The following TAOK1 variants were observed in gnomAD, a reference collection of about 807,000 sequenced individuals.
The protein encoded by TAOK1 is TAO kinase 1.
Under a neutral mutation model 138.3 loss-of-function variants are expected in TAOK1, and 21 were observed. That is an observed-to-expected ratio of 0.15 (90% CI 0.11 to 0.22). TAOK1 has a LOEUF of 0.22. Ranked by LOEUF, TAOK1 falls within the 10% of genes least tolerant of loss-of-function variation. The pLI is 1.00. For missense variants in TAOK1, 651 were observed against 1,227.7 expected (o/e 0.53, Z 7.02); for synonymous variants, 361 against 398.4 (o/e 0.91, Z 1.12).
In TAOK1 at chr17:29,506,513, C is replaced by G. The variant is rs75265209; in HGVS notation, c.1339-1383C>G. 3.2e-4 allele frequency among the ~76,000 whole-genome samples: 49 copies of G among 152,130 alleles called. No homozygotes were observed. The East Asian group carries it at 4.3e-3, about 13-fold the overall frequency. On this transcript the variant is annotated intron_variant, in intron 13 of 19. Transcript: ENST00000261716. Reference sequence around the variant, plus strand: ...TTGTTGATCAAAATGTACAAAGTTTCAGAAAGATAGGAGGAATAGGTTTGG... The same window carrying G: ...TTGTTGATCAAAATGTACAAAGTTTGAGAAAGATAGGAGGAATAGGTTTGG...
At chr17:29,423,004 G>A (rs1305510648) in intron 1 of TAOK1, among the ~76,000 whole-genome samples, 2 of 152,172 alleles carry the variant, frequency 1.3e-5, no homozygotes, top group Non-Finnish European at 2.9e-5. Context: ...TAGCCTGGGT[G>A]ACAGAGCAAG....
rs143989572 is a variant in TAOK1 at position 29,495,582 on chromosome 17, G to C, written c.854G>C (p.Arg285Pro). The C allele has an allele frequency of 6.3e-7, 1 of 1,598,946 alleles. No individual in the cohort carries two copies. Among genetic ancestry groups the C allele is most frequent in the Non-Finnish European group, 8.5e-7 (1 of 1,171,008 alleles). Residue 285 changes from arginine (R) to proline (P), a missense_variant, in exon 11 of 20, where the codon CGC becomes CCC. Arg to Pro is a moderately radical substitution (Grantham distance 103). Transcript: ENST00000261716. ...TAGCACATATTTGTTCTTCGGGAGC[G>C]CCCTGAAACCGTGTTAATAGATCTC... is the stretch of plus-strand genomic sequence containing the variant. The part of the protein sequence containing the change: ...LLKHIFVLRE[R>P]PETVLIDLIQ...
At chr17:29,464,585 A>T (rs1345435071) in intron 2 of TAOK1, among the ~76,000 whole-genome samples, 1 of 152,182 alleles carries the variant, frequency 6.6e-6, no homozygotes, top group Non-Finnish European at 1.5e-5. Context: ...TTCTCAATAA[A>T]GCTGTTATAT....
intron 6 of TAOK1, 93 bp downstream of exon 6, chr17:29,478,440 A>G: frequency 1.2e-6 from 1 of 836,154 alleles, no homozygotes; most frequent in Admixed American, 2.9e-5. Flanking sequence ...TTATTGGTTA[A>G]AGCCAAATAA....
At chr17:29,466,140 C>G (rs2030662310) in intron 2 of TAOK1, among the ~76,000 whole-genome samples, 1 of 151,940 alleles carries the variant, frequency 6.6e-6, no homozygotes, top group African/African-American at 2.4e-5. Flanking sequence ...GTTTCAAAAT[C>G]TTTTGCATTC....
chr17:29,495,254 T>G (rs961487389), intron 10 of TAOK1, among the ~76,000 whole-genome samples: 7 of 152,212 alleles, frequency 4.6e-5, no homozygotes, highest in Non-Finnish European at 1.0e-4. Flanking sequence ...GTTCTTAGAA[T>G]ATGTAAACCT....
chr17:29,520,142 C>T (rs2150766315), intron 16 of TAOK1, among the ~76,000 whole-genome samples: 1 of 150,736 alleles, frequency 6.6e-6, no homozygotes, highest in Middle Eastern at 3.4e-3. Context: ...AATCACACCA[C>T]CGCACTCCAG....
At chr17:29,413,278 G>T (rs1348679841) in intron 1 of TAOK1, among the ~76,000 whole-genome samples, 1 of 152,096 alleles carries the variant, frequency 6.6e-6, no homozygotes, top group Non-Finnish European at 1.5e-5. Flanking sequence ...TAAAAGAATT[G>T]AGGTGAAATG....
chr17:29,439,350 G>A (rs148421652), intron 1 of TAOK1, among the ~76,000 whole-genome samples: 210 of 151,814 alleles, frequency 1.4e-3, no homozygotes, highest in African/African-American at 4.2e-3. Context: ...TTACAGGTGC[G>A]CGCCACCATG....
intron 5 of TAOK1, among the ~76,000 whole-genome samples, chr17:29,477,974 A>G (rs1288128064): frequency 6.6e-6 from 1 of 152,100 alleles, no homozygotes; most frequent in East Asian, 1.9e-4. Context: ...GTTCAAACCA[A>G]AGATAAGTGA....
chr17:29,488,472 A>AGACAGGAGAGAATCGGGAGGCTGC (rs2031221952), intron 8 of TAOK1, among the ~76,000 whole-genome samples: 1 of 152,054 alleles, frequency 6.6e-6, no homozygotes, highest in Admixed American at 6.6e-5. Flanking sequence ...CGGGAGGCTG[A>AGACAGGAGAGAATCGGGAGGCTGC]GACAGGAGAG....
At chr17:29,425,541 AGGT>A (rs1258486170) in intron 1 of TAOK1, among the ~76,000 whole-genome samples, 7 of 152,014 alleles carry the variant, frequency 4.6e-5, no homozygotes, top group Non-Finnish European at 2.9e-5. Context: ...TAGCTGAGTA[AGGT>A]GGTGTGTGCC....
At chr17:29,392,905 T>G (rs1199546293) in intron 1 of TAOK1, among the ~76,000 whole-genome samples, 1 of 152,210 alleles carries the variant, frequency 6.6e-6, no homozygotes, top group Non-Finnish European at 1.5e-5. Context: ...TTTAAAGGTG[T>G]TAGTAGTAGC....
chr17:29,539,441 T>G (rs1034273746), intron 19 of TAOK1, among the ~76,000 whole-genome samples: 3 of 152,110 alleles, frequency 2.0e-5, no homozygotes, highest in African/African-American at 7.2e-5. Context: ...TTTGTTTTGT[T>G]TTTTGTTTTT....
intron 19 of TAOK1, among the ~76,000 whole-genome samples, chr17:29,538,383 T>C (rs1322099231): frequency 1.3e-5 from 2 of 152,150 alleles, no homozygotes; most frequent in East Asian, 3.8e-4. Context: ...TTTAAAAGAG[T>C]AAAAGAACAA....
Position 29,542,965 on chromosome 17 carries a change from C to A in TAOK1, c.2949C>A (p.Ser983Arg). 6.8e-6 allele frequency: 11 copies of A among 1,611,528 alleles called. No homozygotes were observed. Among genetic ancestry groups the A allele is most frequent in the Non-Finnish European group, 9.3e-6 (11 of 1,178,636 alleles). Reference sequence around the variant, plus strand: ...GGGGACGGACGGAGCAGGGCATGAGCAGAAGCACGAGTGTCACTTCACAAA... The same window carrying A: ...GGGGACGGACGGAGCAGGGCATGAGAAGAAGCACGAGTGTCACTTCACAAA... ...ASGGRTEQGM[S>R]RSTSVTSQIS... The change falls in exon 20 of 20, where the codon AGC becomes AGA. Residue 983 changes from serine (S) to arginine (R), a missense_variant. Transcript: ENST00000261716.
At chr17:29,455,344 G>T (rs1379319996) in intron 2 of TAOK1, among the ~76,000 whole-genome samples, 2 of 150,614 alleles carry the variant, frequency 1.3e-5, no homozygotes, top group East Asian at 3.8e-4. Flanking sequence ...CTACAACTCT[G>T]CTGAGTTTGT....
chr17:29,483,110 C>G (rs922026508), intron 8 of TAOK1, among the ~76,000 whole-genome samples: 1 of 152,148 alleles, frequency 6.6e-6, no homozygotes, highest in African/African-American at 2.4e-5. Context: ...CATGGTCTTG[C>G]TCTGTCACCC....
chr17:29,455,411 A>G (rs1436855160), intron 2 of TAOK1, among the ~76,000 whole-genome samples: 1 of 150,118 alleles, frequency 6.7e-6, no homozygotes, highest in Non-Finnish European at 1.5e-5. Context: ...GTATTATATC[A>G]TTTGCAAATG....
Sources: allele counts gnomAD v4.1 joint callset (sites outside exome capture counted in the v4.1 genomes callset), GRCh38; gene constraint gnomAD v4.1.1; transcripts MANE v1.5; gene names NCBI Gene and HGNC (gene_info 2026-07-23, HGNC 2026-07-21).